The following MCF2L variants were observed in gnomAD, a reference collection of about 807,000 sequenced individuals.
MCF2L encodes MCF.2 cell line derived transforming sequence like.
Under a neutral mutation model 153.4 loss-of-function variants are expected in MCF2L, and 97 were observed. The ratio of observed to expected loss-of-function variants is 0.63; its 90% CI spans 0.54 to 0.75. MCF2L has a LOEUF of 0.75. MCF2L is among the 30% of genes least tolerant of loss of function. The pLI, the probability that MCF2L is intolerant of heterozygous loss-of-function variation, is 0.00. For missense variants in MCF2L, 1,347 were observed against 1,495.2 expected (o/e 0.90, Z 1.64); for synonymous variants, 659 against 632.2 (o/e 1.04, Z -0.64).
intron 4 of MCF2L, among the ~76,000 whole-genome samples, chr13:113,051,286 G>A (rs993111405): frequency 1.1e-5 from 1 of 88,148 alleles, no homozygotes; most frequent in African/African-American, 3.5e-5. Flanking sequence ...GGGCGGCTCT[G>A]GGGGCGGCCT....
At chr13:112,931,461 A>C (rs113569390) in intron 2 of MCF2L, among the ~76,000 whole-genome samples, 73 of 152,292 alleles carry the variant, frequency 4.8e-4, no homozygotes, top group African/African-American at 1.6e-3. Flanking sequence ...GAGAGGCTAC[A>C]CCCGTGTTGT....
At chr13:112,991,365 G>T (rs1364536265) in intron 1 of MCF2L, among the ~76,000 whole-genome samples, 1 of 151,138 alleles carries the variant, frequency 6.6e-6, no homozygotes, top group African/African-American at 2.4e-5. Flanking sequence ...GCTGTGTTTT[G>T]GGGGGCATCT....
chr13:113,095,384 G>A (rs1595046478), intron 27 of MCF2L: 1 of 1,127,516 alleles, frequency 8.9e-7, no homozygotes, highest in East Asian at 7.8e-5. Context: ...ATGAAGGAAG[G>A]CCTGGGCGTG....
intron 3 of MCF2L, among the ~76,000 whole-genome samples, chr13:113,034,786 A>G (rs1016247896): frequency 1.7e-4 from 26 of 152,212 alleles, no homozygotes; most frequent in African/African-American, 6.3e-4. Context: ...GGGTCCAGAC[A>G]CAGCTCAGAA....
At chr13:113,095,308 A>G (rs2035555505) in intron 27 of MCF2L, 1 of 1,175,840 alleles carries the variant, frequency 8.5e-7, no homozygotes, top group East Asian at 6.4e-5. Flanking sequence ...CTGGAAGGGC[A>G]GAGAAGCCAG....
intron 15 of MCF2L, among the ~76,000 whole-genome samples, chr13:113,079,273 G>GA (rs1291397071): frequency 6.6e-6 from 1 of 152,178 alleles, no homozygotes; most frequent in African/African-American, 2.4e-5. Context: ...CTTTAAGAAA[G>GA]AAAGACCTCA....
At chr13:112,998,101 A>G (rs188597145) in intron 1 of MCF2L, among the ~76,000 whole-genome samples, 68 of 152,334 alleles carry the variant, frequency 4.5e-4, no homozygotes, top group Non-Finnish European at 8.4e-4. Flanking sequence ...TGCCTGGGCC[A>G]CTTTCCATCC....
chr13:113,029,298 G>A (rs2085500104), intron 3 of MCF2L, among the ~76,000 whole-genome samples: 1 of 152,152 alleles, frequency 6.6e-6, no homozygotes, highest in Non-Finnish European at 1.5e-5. Flanking sequence ...CGTGCTGTGG[G>A]GACCCCGTGC....
intron 3 of MCF2L, among the ~76,000 whole-genome samples, chr13:113,034,919 C>G (rs572503506): frequency 1.3e-5 from 2 of 152,322 alleles, no homozygotes; most frequent in African/African-American, 2.4e-5. Context: ...TGAGGAAGGT[C>G]TGCCCGAGGC....
chr13:112,926,778 G>A (rs1416152036), intron 2 of MCF2L, among the ~76,000 whole-genome samples: 4 of 152,186 alleles, frequency 2.6e-5, no homozygotes, highest in African/African-American at 4.8e-5. Context: ...CATAGGAGCA[G>A]AGTGGCGGTC....
chr13:112,966,879 G>A (rs914881205), upstream of MCF2L, among the ~76,000 whole-genome samples: 4 of 152,296 alleles, frequency 2.6e-5, no homozygotes, highest in Admixed American at 1.3e-4. This position sits in a 1 kb window ranked among gnomAD's most constrained non-coding sequence, Gnocchi z 4.1. Context: ...GCACATCCTC[G>A]GGCCCCATCC....
At position 112,907,211 on chromosome 13, in the gene MCF2L, C is replaced by A; in HGVS notation, c.169+4840C>A. 6.6e-6 allele frequency among the ~76,000 whole-genome samples: 1 copy of A among 152,128 alleles called. No homozygotes were observed. The highest frequency in any genetic ancestry group is 1.9e-4 in the East Asian group (1 of 5,188). ...CACTTCGGGAAGGACCAAGACTTGC[C>A]CCAGCCTTGAGAAGTGATGGGGCTG... On this transcript the variant is annotated intron_variant, in intron 2 of 29. Coordinates refer to the MCF2L transcript ENST00000375608. This position sits in a 1 kb window ranked among gnomAD's most constrained non-coding sequence, Gnocchi z 5.1.
chr13:112,982,258 G>A (rs935390905), intron 1 of MCF2L, among the ~76,000 whole-genome samples: 1 of 152,222 alleles, frequency 6.6e-6, no homozygotes, highest in Admixed American at 6.5e-5. Context: ...TTTCTGAGCT[G>A]GGGCCGAAGG....
At chr13:112,990,573 TC>T in intron 1 of MCF2L, among the ~76,000 whole-genome samples, 1 of 152,346 alleles carries the variant, frequency 6.6e-6, no homozygotes, top group South Asian at 2.1e-4. Context: ...ACCTTTGCTT[TC>T]CATGATTGCC....
At chr13:113,034,431 C>A (rs1469941934) in intron 3 of MCF2L, among the ~76,000 whole-genome samples, 29 of 152,238 alleles carry the variant, frequency 1.9e-4, no homozygotes, top group Non-Finnish European at 2.9e-5. Context: ...GCCACCATGC[C>A]CGGCCAGGCA....
chr13:113,085,932 G>A (rs1302803678), intron 20 of MCF2L, among the ~76,000 whole-genome samples, 192 bp from the exon 21 acceptor site: 1 of 151,696 alleles, frequency 6.6e-6, no homozygotes, highest in Non-Finnish European at 1.5e-5. Context: ...GTCTGCACCT[G>A]GCAGGGGTGC....
intron 2 of MCF2L, among the ~76,000 whole-genome samples, chr13:112,908,875 G>A (rs554754152): frequency 6.6e-6 from 1 of 151,858 alleles, no homozygotes; most frequent in African/African-American, 2.4e-5. Context: ...ACAGATGCAC[G>A]CCACCGCAAC....
intron 3 of MCF2L, chr13:113,040,728 C>T (rs1046218303): frequency 6.6e-6 from 1 of 152,340 alleles, no homozygotes; most frequent in African/African-American, 2.4e-5. Context: ...GGCAGATGTC[C>T]AGGCACTGGG....
At position 113,046,221 on chromosome 13, in the gene MCF2L, G is replaced by A. The variant is rs1467777299; in HGVS notation, c.369+860G>A. The A allele has an allele frequency of 9.1e-6, 2 of 220,022 alleles. No individual in the cohort carries two copies. Among genetic ancestry groups the A allele is most frequent in the Non-Finnish European group, 1.8e-5 (2 of 110,650 alleles). The allele number at this position is 220,022 out of a possible 1,614,324, so 13.6% of individuals were successfully genotyped here. On this transcript the variant is annotated intron_variant, in intron 4 of 29. Coordinates refer to ENST00000535094, the MANE Select transcript of MCF2L (RefSeq NM_001112732.3). The surrounding 1 kb of genome is among the most constrained non-coding windows in gnomAD (Gnocchi z 4.4). ...TTTTTCACCCACGCTCGCTCTCCCC[G>A]CCTGTCCGTCCAAATTTCATTGCTG... is the stretch of plus-strand genomic sequence containing the variant.
Sources: allele counts gnomAD v4.1 joint callset (sites outside exome capture counted in the v4.1 genomes callset), GRCh38; gene constraint gnomAD v4.1.1; non-coding constraint Gnocchi (gnomAD v3.1); transcripts MANE v1.5; gene names NCBI Gene and HGNC (gene_info 2026-07-23, HGNC 2026-07-21).